TAFA4: variants seen among roughly 807,000 people sequenced by gnomAD.
TAFA4 encodes chemokine-like protein TAFA-4.
A neutral mutation model predicts 21.1 loss-of-function variants in TAFA4; 20 were observed. The ratio of observed to expected loss-of-function variants is 0.95; its 90% CI spans 0.67 to 1.38. The LOEUF (loss-of-function observed/expected upper bound fraction) is 1.38, where lower values mean the gene tolerates loss of function less well. Among genes scored for constraint, TAFA4 ranks in the 40% most tolerant of loss-of-function variants. The pLI is 0.00. For synonymous variants in TAFA4, 71 were observed against 67.4 expected (o/e 1.05, Z -0.26); for missense variants, 211 against 180.9 (o/e 1.17, Z -0.95).
At chr3:68,834,821 C>G (rs1326353389) in intron 3 of TAFA4, among the ~76,000 whole-genome samples, 1 of 152,152 alleles carries the variant, frequency 6.6e-6, no homozygotes, top group African/African-American at 2.4e-5. Flanking sequence ...TTCTTACTGC[C>G]TCTGCTGCTA....
At chr3:68,865,272 AT>A (rs2089401029) in intron 3 of TAFA4, among the ~76,000 whole-genome samples, 1 of 151,432 alleles carries the variant, frequency 6.6e-6, no homozygotes, top group Non-Finnish European at 1.5e-5. Flanking sequence ...TTTTTTTTTA[AT>A]TTTTCTTTAA....
At chr3:68,826,752 C>T (rs1247114929) in intron 3 of TAFA4, among the ~76,000 whole-genome samples, 1 of 151,990 alleles carries the variant, frequency 6.6e-6, no homozygotes. Flanking sequence ...TGGAAGGAGG[C>T]TCAAGAATGA....
intron 4 of TAFA4, among the ~76,000 whole-genome samples, chr3:68,741,748 C>A (rs138573840): frequency 6.6e-6 from 1 of 151,882 alleles, no homozygotes; most frequent in African/African-American, 2.4e-5. Context: ...GCTGAGATCA[C>A]GCCAGTGCAT....
At chr3:68,742,741 A>ATTATC (rs1702381061) in intron 4 of TAFA4, among the ~76,000 whole-genome samples, 1 of 152,300 alleles carries the variant, frequency 6.6e-6, no homozygotes, top group South Asian at 2.1e-4. Context: ...TTTTAAAAAC[A>ATTATC]TTATCTTGTA....
At chr3:68,749,846 A>C (rs901828865) in intron 4 of TAFA4, among the ~76,000 whole-genome samples, 3 of 152,250 alleles carry the variant, frequency 2.0e-5, no homozygotes, top group Admixed American at 2.0e-4. Context: ...ATCTAAATTT[A>C]CACTAGCCAC....
Position 68,733,100 on chromosome 3 carries a change from C to G in TAFA4, c.*42G>C, listed in dbSNP as rs1702178369. ...GGGAATCCAAGCAAAAGAGCTCCGC[C>G]TCCTGCTGCCCCTCCAGGATTGAAG... On this transcript the variant is annotated 3_prime_UTR_variant, in exon 6 of 6. Coordinates refer to ENST00000295569, the MANE Select transcript of TAFA4 (RefSeq NM_182522.5). 1.2e-6 allele frequency: 2 copies of G among 1,611,984 alleles called. No homozygotes were observed. The highest frequency in any genetic ancestry group is 1.7e-6 in the Non-Finnish European group (2 of 1,179,032).
At chr3:68,923,696 T>C (rs557621821) in intron 1 of TAFA4, among the ~76,000 whole-genome samples, 1 of 152,306 alleles carries the variant, frequency 6.6e-6, no homozygotes, top group South Asian at 2.1e-4. Flanking sequence ...CAGATCTCGG[T>C]GAAATTCCTT....
At chr3:68,742,091 T>G (rs773480204) in intron 4 of TAFA4, among the ~76,000 whole-genome samples, 7 of 152,124 alleles carry the variant, frequency 4.6e-5, no homozygotes, top group Admixed American at 1.3e-4. Flanking sequence ...ATACACCACA[T>G]TAACAGAATG....
chr3:68,815,699 C>T (rs1035219078), intron 3 of TAFA4, among the ~76,000 whole-genome samples: 1 of 152,144 alleles, frequency 6.6e-6, no homozygotes, highest in African/African-American at 2.4e-5. Flanking sequence ...AATAGGAACA[C>T]TTTTACACTG....
At chr3:68,920,112 T>C (rs976376523) in intron 1 of TAFA4, among the ~76,000 whole-genome samples, 2 of 152,186 alleles carry the variant, frequency 1.3e-5, no homozygotes, top group Non-Finnish European at 2.9e-5. Context: ...TGCCCATCTG[T>C]AGGGAAACAG....
At chr3:68,874,094 A>G (rs2089519307) in intron 3 of TAFA4, among the ~76,000 whole-genome samples, 1 of 147,216 alleles carries the variant, frequency 6.8e-6, no homozygotes. Flanking sequence ...AGCTAAGAAA[A>G]AAACAGAGCC....
chr3:68,924,835 C>G (rs1357628166), intron 1 of TAFA4, among the ~76,000 whole-genome samples: 2 of 152,104 alleles, frequency 1.3e-5, no homozygotes, highest in African/African-American at 4.8e-5. Flanking sequence ...AGATTTAATT[C>G]CATTTAAACA....
At chr3:68,836,421 C>G (rs561457366) in intron 3 of TAFA4, among the ~76,000 whole-genome samples, 6 of 152,316 alleles carry the variant, frequency 3.9e-5, no homozygotes, top group African/African-American at 1.4e-4. Flanking sequence ...AAGTGAACTG[C>G]TGACTATGAA....
chr3:68,826,211 C>T (rs531608957), intron 3 of TAFA4, among the ~76,000 whole-genome samples: 1 of 152,302 alleles, frequency 6.6e-6, no homozygotes, highest in Non-Finnish European at 1.5e-5. Context: ...GCCACCTCTG[C>T]CACTACCTAT....
At chr3:68,835,084 C>A (rs746998433) in intron 3 of TAFA4, among the ~76,000 whole-genome samples, 6 of 151,486 alleles carry the variant, frequency 4.0e-5, no homozygotes, top group Non-Finnish European at 8.8e-5. Flanking sequence ...CTACTCCTTT[C>A]CCTCCTCTCT....
At chr3:68,881,468 T>C (rs1360052703) in intron 2 of TAFA4, among the ~76,000 whole-genome samples, 1 of 152,232 alleles carries the variant, frequency 6.6e-6, no homozygotes, top group Non-Finnish European at 1.5e-5. Flanking sequence ...TTGCATGGTC[T>C]ATTCTAAAAC....
chr3:68,755,726 AGGT>A (rs1383915689), intron 3 of TAFA4, among the ~76,000 whole-genome samples: 1 of 152,208 alleles, frequency 6.6e-6, no homozygotes, highest in Non-Finnish European at 1.5e-5. Flanking sequence ...AGCCAGGCCC[AGGT>A]GGTAAGAAAC....
At chr3:68,806,677 TAATTAG>T (rs1482464209) in intron 3 of TAFA4, among the ~76,000 whole-genome samples, 1 of 151,986 alleles carries the variant, frequency 6.6e-6, no homozygotes, top group African/African-American at 2.4e-5. Context: ...TTCTGGGAGG[TAATTAG>T]AATTAGATGA....
At chr3:68,768,125 C>G (rs1702890340) in intron 3 of TAFA4, among the ~76,000 whole-genome samples, 4 of 151,950 alleles carry the variant, frequency 2.6e-5, no homozygotes, top group Admixed American at 6.6e-5. Flanking sequence ...AGGATTACAT[C>G]TAAAAAGGGC....
Sources: gnomAD v4.1 joint callset for allele counts (sites outside exome capture counted in the v4.1 genomes callset) on GRCh38, gnomAD v4.1.1 for gene constraint, MANE v1.5 for transcripts, NCBI Gene and HGNC (gene_info 2026-07-23, HGNC 2026-07-21) for gene names.